Variants in DUSP28 observed in about 807,000 individuals in gnomAD.
DUSP28 encodes dual specificity phosphatase 28.
Under a neutral mutation model 8.4 loss-of-function variants are expected in DUSP28, and 11 were observed. The observed-to-expected ratio is 1.31, with a 90% CI of 0.83 to 2.17. The LOEUF (loss-of-function observed/expected upper bound fraction) is 2.17. DUSP28 is among the 30% of genes most tolerant of loss of function. The pLI is 0.00. For missense variants in DUSP28, 373 were observed against 270.4 expected, an observed-to-expected ratio of 1.38 and a Z score of -2.66; for synonymous variants, 178 against 130.9, an observed-to-expected ratio of 1.36 and a Z score of -2.46.
rs1271736445 is a variant in DUSP28 at position 240,560,611 on chromosome 2, T to G, written c.-74T>G. On this transcript the variant is annotated 5_prime_UTR_variant, in exon 1 of 2. Coordinates refer to ENST00000405954, the MANE Select transcript of DUSP28 (RefSeq NM_001370465.2). Reference sequence around the variant, plus strand: ...CGGCGGCCCGCCCGGCTCCCACAAATAGACTCCTGGGCGGGCGCCTGAGCC... The same window carrying G: ...CGGCGGCCCGCCCGGCTCCCACAAAGAGACTCCTGGGCGGGCGCCTGAGCC... 2.2e-6 allele frequency: 3 copies of G among 1,357,810 alleles called. No individual in the cohort carries two copies. Among genetic ancestry groups the G allele is most frequent in the South Asian group, 1.7e-5 (1 of 57,498 alleles). The allele number at this position is 1,357,810 out of a possible 1,614,324, so 84.1% of individuals were successfully genotyped here. A position where few individuals can be genotyped will look rare whatever the true frequency, so the allele number is the denominator to read the frequency against.
chr2:240,562,915 G>C lies in DUSP28; in HGVS notation c.*1448G>C, dbSNP rs1171071039. ...TATTTCACAATTTCCATAGTGACCA[G>C]CAGACTAATGGGGATGAGGTACTGT... On this transcript the variant is annotated 3_prime_UTR_variant, in exon 2 of 2. Transcript: ENST00000405954. 6.5e-6 allele frequency: 1 copy of C among 154,122 alleles called. No individual in the cohort carries two copies. The highest frequency in any genetic ancestry group is 1.5e-5 in the Non-Finnish European group (1 of 68,056). The allele number at this position is 154,122 out of a possible 1,614,324, so 9.5% of individuals were successfully genotyped here.
chr2:240,564,652 T>TGCCACCCAGATCCCC lies in DUSP28; in HGVS notation c.*3186_*3200dup, dbSNP rs2092996778. 1.3e-5 allele frequency among the ~76,000 whole-genome samples: 2 copies of TGCCACCCAGATCCCC among 151,860 alleles called. No homozygotes were observed. Among genetic ancestry groups the TGCCACCCAGATCCCC allele is most frequent in the Admixed American group, 1.3e-4 (2 of 15,256 alleles). On this transcript the variant is annotated 3_prime_UTR_variant, in exon 2 of 2. Coordinates refer to ENST00000405954, the MANE Select transcript of DUSP28 (RefSeq NM_001370465.2). Reference sequence around the variant, plus strand: ...GAGACATAGGGGAGTCACAGGGACCTGCCACCCAGATCCCCACTGCCTGAT... The same window carrying TGCCACCCAGATCCCC: ...GAGACATAGGGGAGTCACAGGGACCTGCCACCCAGATCCCCGCCACCCAGATCCCCACTGCCTGAT...
Position 240,561,048 on chromosome 2 carries a change from C to A in DUSP28, c.364C>A (p.Arg122Ser). ...AVCTAYLMRHRGLSLAKAFQM... is the reference protein window; with the variant it reads ...AVCTAYLMRHSGLSLAKAFQM... The stretch of plus-strand genomic sequence containing the variant: ...CTGCACCGCGTACCTCATGCGGCAC[C>A]GCGGCCTCAGCCTGGCGAAGGCCTT... The change falls in exon 1 of 2, where the codon CGC becomes AGC. Residue 122 changes from arginine to serine, a missense_variant. Transcript: ENST00000405954. 1 of 1,509,110 alleles carries A rather than the reference C, an allele frequency of 6.6e-7. No homozygotes were observed. The highest frequency in any genetic ancestry group is 8.8e-7 in the Non-Finnish European group (1 of 1,138,202). 93.5% of individuals were successfully genotyped at this position (1,509,110 alleles called of 1,614,324 possible). A position where few individuals can be genotyped will look rare whatever the true frequency, so the allele number is the denominator to read the frequency against.
rs752876567 is a variant in DUSP28, at chr2:240,561,008, C to G, written c.324C>G (p.Ser108Arg). 24 of 1,536,144 alleles carry G rather than the reference C, an allele frequency of 1.6e-5. No homozygotes were observed. The highest frequency in any genetic ancestry group is 2.1e-5 in the Non-Finnish European group (24 of 1,153,278). The change falls in exon 1 of 2, where the codon AGC (serine) becomes AGG (arginine). Residue 108 changes from serine (S) to arginine (R), a missense_variant. Transcript: ENST00000405954. Reference protein sequence around the residue: ...ACLVYCKNGRSRSAAVCTAYL... With the variant: ...ACLVYCKNGRRRSAAVCTAYL... Reference sequence around the variant, plus strand: ...TAGTCTACTGCAAGAACGGCCGCAGCCGCTCGGCCGCCGTCTGCACCGCGT... The same window carrying G: ...TAGTCTACTGCAAGAACGGCCGCAGGCGCTCGGCCGCCGTCTGCACCGCGT...
At position 240,564,323 on chromosome 2, in the gene DUSP28, T is replaced by C. The variant is rs1219338926; in HGVS notation, c.*2856T>C. Among the ~76,000 whole-genome samples, 1 of 152,226 alleles carries C rather than the reference T, an allele frequency of 6.6e-6. No individual in the cohort carries two copies. Among genetic ancestry groups the C allele is most frequent in the Non-Finnish European group, 1.5e-5 (1 of 68,028 alleles). ...TGCCACCAGTGCCCTCTGAGGTCCA[T>C]GGTCCCACGGCACCACGGCCGCCCA... is the stretch of plus-strand genomic sequence containing the variant. On this transcript the variant is annotated 3_prime_UTR_variant, in exon 2 of 2. Transcript: ENST00000405954.
rs1285495762 is a variant in DUSP28, at chr2:240,560,912, G to A, written c.228G>A (p.Glu76=). ...LRVPVFDDPA[E]DLLAHLEPTC... ...TGCCCGTGTTCGACGACCCGGCTGA[G>A]GACCTGCTGGCGCACCTGGAGCCCA... is the stretch of plus-strand genomic sequence containing the variant. The change falls in exon 1 of 2, where the codon GAG becomes GAA. Residue 76 remains glutamate (E), a synonymous_variant. Transcript: ENST00000405954. 2.6e-6 allele frequency: 4 copies of A among 1,534,838 alleles called. No homozygotes were observed. The highest frequency in any genetic ancestry group is 3.5e-6 in the Non-Finnish European group (4 of 1,154,326).
rs2092997088 is a variant in DUSP28 at position 240,564,772 on chromosome 2, A to G, written c.*3305A>G. Among the ~76,000 whole-genome samples, 1 of 152,062 alleles carries G rather than the reference A, an allele frequency of 6.6e-6. No homozygotes were observed. Among genetic ancestry groups the G allele is most frequent in the Non-Finnish European group, 1.5e-5 (1 of 67,996 alleles). On this transcript the variant is annotated 3_prime_UTR_variant, in exon 2 of 2. Transcript: ENST00000405954. ...ACATCTCCTTCCTCCCACCTCCCAG[A>G]CCTCTCACTGGTCTCATCTGGGCAC...
chr2:240,560,619 T>C lies in DUSP28; in HGVS notation c.-66T>C. Reference sequence around the variant, plus strand: ...CGCCCGGCTCCCACAAATAGACTCCTGGGCGGGCGCCTGAGCCCCCAAAAT... The same window carrying C: ...CGCCCGGCTCCCACAAATAGACTCCCGGGCGGGCGCCTGAGCCCCCAAAAT... On this transcript the variant is annotated 5_prime_UTR_variant, in exon 1 of 2. Coordinates refer to ENST00000405954, the MANE Select transcript of DUSP28 (RefSeq NM_001370465.2). The C allele has an allele frequency of 2.2e-6, 3 of 1,388,914 alleles. No individual in the cohort carries two copies. The highest frequency in any genetic ancestry group is 2.8e-6 in the Non-Finnish European group (3 of 1,077,932). 86.0% of individuals were successfully genotyped at this position (1,388,914 alleles called of 1,614,324 possible). A position where few individuals can be genotyped will look rare whatever the true frequency, so the allele number is the denominator to read the frequency against.
At chr2:240,561,180 G>C in intron 1 of DUSP28, 103 bp downstream of exon 1, 1 of 1,486,900 alleles carries the variant, frequency 6.7e-7, no homozygotes, top group African/African-American at 1.4e-5. Flanking sequence ...GCACTTCCGG[G>C]AGGGGCGGGT....
rs2092996755 is a variant in DUSP28 at position 240,564,644 on chromosome 2, CAG to C, written c.*3178_*3179del. On this transcript the variant is annotated 3_prime_UTR_variant, in exon 2 of 2. Coordinates refer to ENST00000405954, the MANE Select transcript of DUSP28 (RefSeq NM_001370465.2). ...CAGGAGAGGAGACATAGGGGAGTCA[CAG>C]GGACCTGCCACCCAGATCCCCACTG... Among the ~76,000 whole-genome samples, 1 of 151,866 alleles carries C rather than the reference CAG, an allele frequency of 6.6e-6. No individual in the cohort carries two copies. The highest frequency in any genetic ancestry group is 6.5e-5 in the Admixed American group (1 of 15,268).
At position 240,564,285 on chromosome 2, in the gene DUSP28, C is replaced by T. The variant is rs901247564; in HGVS notation, c.*2818C>T. 2.6e-5 allele frequency among the ~76,000 whole-genome samples: 4 copies of T among 152,242 alleles called. No individual in the cohort carries two copies. The highest frequency in any genetic ancestry group is 4.8e-5 in the African/African-American group (2 of 41,460). On this transcript the variant is annotated 3_prime_UTR_variant, in exon 2 of 2. Coordinates refer to ENST00000405954, the MANE Select transcript of DUSP28 (RefSeq NM_001370465.2). The stretch of plus-strand genomic sequence containing the variant: ...TGGCCCTGAAGTGGCCTGAAGGGCC[C>T]GCTCTGCGGTCCTGCCACCAGTGCC...
Position 240,565,168 on chromosome 2 carries a change from C to T in DUSP28, c.*3701C>T, listed in dbSNP as rs1575432097. Among the ~76,000 whole-genome samples, 2 of 151,770 alleles carry T rather than the reference C, an allele frequency of 1.3e-5. No individual in the cohort carries two copies. The highest frequency in any genetic ancestry group is 4.2e-4 in the South Asian group (2 of 4,812). On this transcript the variant is annotated 3_prime_UTR_variant, in exon 2 of 2. Transcript: ENST00000405954. ...AAATGTGTGTAATACATGTGAATCACAGATAACGTAGTCATTGGTTAATAT... is the reference window on the plus strand; with the variant it reads ...AAATGTGTGTAATACATGTGAATCATAGATAACGTAGTCATTGGTTAATAT...
Position 240,564,005 on chromosome 2 carries a change from TAAGA to T in DUSP28, c.*2542_*2545del, listed in dbSNP as rs1559412406. On this transcript the variant is annotated 3_prime_UTR_variant, in exon 2 of 2. Coordinates refer to ENST00000405954, the MANE Select transcript of DUSP28 (RefSeq NM_001370465.2). ...GGAATTTGCTGCAATAAAATAATAA[TAAGA>T]AAGCATTGGCAGCTTTGGTAAACTG... 7 of 152,506 alleles carry T rather than the reference TAAGA, an allele frequency of 4.6e-5. No homozygotes were observed. Among genetic ancestry groups the T allele is most frequent in the Admixed American group, 3.3e-4 (5 of 15,304 alleles). 9.4% of individuals were successfully genotyped at this position (152,506 alleles called of 1,614,324 possible).
rs760505115 is a variant in DUSP28, at chr2:240,560,753, G to T, written c.69G>T (p.Ala23=). The T allele has an allele frequency of 6.7e-7, 1 of 1,500,416 alleles. No homozygotes were observed. The allele number at this position is 1,500,416 out of a possible 1,614,324, so 92.9% of individuals were successfully genotyped here. A position where few individuals can be genotyped will look rare whatever the true frequency, so the allele number is the denominator to read the frequency against. Residue 23 remains alanine, a synonymous_variant, in exon 1 of 2, where the codon GCG becomes GCT. Coordinates refer to ENST00000405954, the MANE Select transcript of DUSP28 (RefSeq NM_001370465.2). The stretch of plus-strand genomic sequence containing the variant: ...TACCTCCACCGTTGGTGCGCGTCGC[G>T]CCCTCACTCTTCCTCGGGAGCGCGC... ...SPVPPPLVRV[A]PSLFLGSARA...
Position 240,560,883 on chromosome 2 carries a change from C to A in DUSP28, c.199C>A (p.Arg67Ser), listed in dbSNP as rs1164170157. 2.0e-6 allele frequency: 3 copies of A among 1,505,350 alleles called. No homozygotes were observed. Among genetic ancestry groups the A allele is most frequent in the Non-Finnish European group, 2.6e-6 (3 of 1,139,792 alleles). The allele number at this position is 1,505,350 out of a possible 1,614,324, so 93.2% of individuals were successfully genotyped here. A position where few individuals can be genotyped will look rare whatever the true frequency, so the allele number is the denominator to read the frequency against. ...GPRAPGVAELRVPVFDDPAED... is the reference protein window; with the variant it reads ...GPRAPGVAELSVPVFDDPAED... ...GCGCGCGCCCGGCGTGGCAGAGCTG[C>A]GCGTGCCCGTGTTCGACGACCCGGC... Residue 67 changes from arginine (R) to serine (S), a missense_variant, in exon 1 of 2, where the codon CGC becomes AGC. Arg to Ser is a moderately radical substitution (Grantham distance 110, BLOSUM62 -1). Coordinates refer to ENST00000405954, the MANE Select transcript of DUSP28 (RefSeq NM_001370465.2).
rs1307687434 is a variant in DUSP28, at chr2:240,562,337, CA to C, written c.*871del. The C allele has an allele frequency of 2.6e-5, 4 of 152,234 alleles. No homozygotes were observed. Among genetic ancestry groups the C allele is most frequent in the African/African-American group, 9.6e-5 (4 of 41,454 alleles). The allele number at this position is 152,234 out of a possible 1,614,324, so 9.4% of individuals were successfully genotyped here. A position where few individuals can be genotyped will look rare whatever the true frequency, so the allele number is the denominator to read the frequency against. ...TCCTGACCTCGTGATCCACCCACCT[CA>C]GCCTCCCAAAGTGCTGGGATTACAG... On this transcript the variant is annotated 3_prime_UTR_variant, in exon 2 of 2. Coordinates refer to ENST00000405954, the MANE Select transcript of DUSP28 (RefSeq NM_001370465.2).
At chr2:240,561,308 T>C in intron 1 of DUSP28, 22 bp from the exon 2 acceptor site, 1 of 1,613,614 alleles carries the variant, frequency 6.2e-7, no homozygotes. Context: ...TTGGGGTTAT[T>C]CAGTACACTT....
chr2:240,560,723 G>C lies in DUSP28; in HGVS notation c.39G>C (p.Ser13=). 6.6e-7 allele frequency: 1 copy of C among 1,524,230 alleles called. No homozygotes were observed. Among genetic ancestry groups the C allele is most frequent in the Non-Finnish European group, 8.7e-7 (1 of 1,147,916 alleles). 94.4% of individuals were successfully genotyped at this position (1,524,230 alleles called of 1,614,324 possible). ...AAGCTGGGCGCCGCGGGGCCGCCTC[G>C]CCCGTACCTCCACCGTTGGTGCGCG... The part of the protein sequence containing the change: ...PAEAGRRGAA[S]PVPPPLVRVA... Residue 13 remains serine (S), a synonymous_variant, in exon 1 of 2, where the codon TCG becomes TCC. Transcript: ENST00000405954.
At position 240,563,710 on chromosome 2, in the gene DUSP28, C is replaced by G. The variant is rs2092993792; in HGVS notation, c.*2243C>G. On this transcript the variant is annotated 3_prime_UTR_variant, in exon 2 of 2. Coordinates refer to ENST00000405954, the MANE Select transcript of DUSP28 (RefSeq NM_001370465.2). ...AAAGCCTGCCGTGTCTTACATTTGT[C>G]TCTCTATCCGGATTAGATGTTGCTA... 1 of 152,534 alleles carries G rather than the reference C, an allele frequency of 6.6e-6. No homozygotes were observed. Among genetic ancestry groups the G allele is most frequent in the South Asian group, 2.1e-4 (1 of 4,832 alleles). The allele number at this position is 152,534 out of a possible 1,614,324, so 9.4% of individuals were successfully genotyped here. A position where few individuals can be genotyped will look rare whatever the true frequency, so the allele number is the denominator to read the frequency against.
Sources: gnomAD v4.1 joint callset for allele counts (sites outside exome capture counted in the v4.1 genomes callset) on GRCh38, gnomAD v4.1.1 for gene constraint, MANE v1.5 for transcripts, NCBI Gene and HGNC (gene_info 2026-07-23, HGNC 2026-07-21) for gene names.